DNAJC9: variants seen among roughly 807,000 people sequenced by gnomAD.
DNAJC9 encodes the protein DnaJ heat shock protein family (Hsp40) member C9.
DNAJC9 carries 18 observed loss-of-function variants against 32.4 expected under a neutral mutation model. The observed-to-expected ratio is 0.56, with a 90% CI of 0.38 to 0.82. The LOEUF (loss-of-function observed/expected upper bound fraction) is 0.82, where lower values mean the gene tolerates loss of function less well. Among genes scored for constraint, DNAJC9 ranks in the 40% least tolerant of loss-of-function variants. The pLI, the probability that DNAJC9 is intolerant of heterozygous loss-of-function variation, is 0.00. For missense variants in DNAJC9, 310 were observed against 321.8 expected (o/e 0.96, Z 0.28); for synonymous variants, 113 against 122.1 (o/e 0.93, Z 0.49).
downstream of DNAJC9, chr10:73,241,357 C>T (rs1431913155): frequency 3.8e-6 from 1 of 260,080 alleles, no homozygotes; most frequent in Non-Finnish European, 7.5e-6. Flanking sequence ...ATTTGATGAG[C>T]TCACACATAC....
chr10:73,245,988 T>C lies in DNAJC9; in HGVS notation c.510A>G (p.Gly170=). ...RNIIQQAIDA[G]EVPSYNAFVK... is the part of the protein sequence containing the mutation. ...CAAAGGCATTATAGGATGGGACCTC[T>C]CCGGCGTCAATAGCTTGCTGAATGA... is the stretch of plus-strand genomic sequence containing the variant. The change falls in exon 3 of 5, where the codon GGA becomes GGG. Residue 170 remains glycine (G), a synonymous_variant. Transcript: ENST00000372950. 2.5e-6 allele frequency: 4 copies of C among 1,613,720 alleles called. No individual in the cohort carries two copies. The highest frequency in any genetic ancestry group is 1.7e-6 in the Non-Finnish European group (2 of 1,179,794).
rs868737896 is a variant in DNAJC9 at position 73,246,896 on chromosome 10, G to A, written c.181-68C>T. 7.5e-6 allele frequency: 12 copies of A among 1,607,192 alleles called. No individual in the cohort carries two copies. In the East Asian group the frequency reaches 8.9e-5, roughly 12 times the overall value. ...CCGAAACGGCGGCGCGAGAAATAAA[G>A]ATCAGAAGGCGCCAAGCGGAGCTCA... is the stretch of plus-strand genomic sequence containing the variant. On this transcript the variant is annotated intron_variant, in intron 1 of 4. Transcript: ENST00000372950.
rs1334064744 is a variant in DNAJC9 at position 73,243,837 on chromosome 10, G to A, written c.663+6C>T. 6.2e-7 allele frequency: 1 copy of A among 1,610,776 alleles called. No individual in the cohort carries two copies. The highest frequency in any genetic ancestry group is 8.5e-7 in the Non-Finnish European group (1 of 1,178,822). On this transcript the variant is annotated splice_donor_region_variant and intron_variant, in intron 4 of 4. Transcript: ENST00000372950. ...TAAAGATGTGGCAACAAACTGCCAA[G>A]TTTACCTGAATGGCTGCCTTCAGGC...
At chr10:73,234,855 C>A (rs749780762), downstream of DNAJC9, 83 of 1,551,608 alleles carry the variant, frequency 5.3e-5, no homozygotes, top group African/African-American at 1.1e-3. Flanking sequence ...CCCTCACCGA[C>A]GCCCCTGAGT....
At chr10:73,245,628 GAGGAATGCCTC>G (rs1204712498) in intron 3 of DNAJC9, among the ~76,000 whole-genome samples, 1 of 152,096 alleles carries the variant, frequency 6.6e-6, no homozygotes, top group Non-Finnish European at 1.5e-5. Context: ...TTTATCTCCT[GAGGAATGCCTC>G]AGGAATGCTA....
chr10:73,247,233 T>C lies in DNAJC9; in HGVS notation c.-44A>G. The C allele has an allele frequency of 5.8e-6, 9 of 1,560,598 alleles. No homozygotes were observed. Among genetic ancestry groups the C allele is most frequent in the Non-Finnish European group, 7.8e-6 (9 of 1,153,202 alleles). ...CCCGGAGGAAGCAGCCGCTCCCAGC[T>C]GCGCCGGGTACAACCCAGGACTGCT... On this transcript the variant is annotated 5_prime_UTR_variant, in exon 1 of 5. Transcript: ENST00000372950.
downstream of DNAJC9, chr10:73,235,494 A>G (rs2043801132): frequency 7.2e-6 from 10 of 1,392,052 alleles, no homozygotes; most frequent in South Asian, 1.2e-4. Context: ...CTAGTCCCTG[A>G]TGCCTATTCT....
downstream of DNAJC9, among the ~76,000 whole-genome samples, chr10:73,236,177 C>G (rs115117722): frequency 2.8e-3 from 426 of 152,160 alleles, 1 homozygote; most frequent in African/African-American, 9.9e-3. Flanking sequence ...CAATATCAGA[C>G]CTCTGTATTA....
Position 73,246,807 on chromosome 10 carries a change from C to G in DNAJC9, c.202G>C (p.Val68Leu), listed in dbSNP as rs1400263528. ...RFQILGKVYS[V>L]LSDREQRAVY... ...GCTCTCTGTTCTCTGTCACTGAGAA[C>G]GGAATAGACTTTTCCCAGGATCTGA... Residue 68 changes from valine (V) to leucine (L), a missense_variant, in exon 2 of 5, where the codon GTT becomes CTT. Coordinates refer to ENST00000372950, the MANE Select transcript of DNAJC9 (RefSeq NM_015190.5). 1.2e-6 allele frequency: 2 copies of G among 1,614,158 alleles called. No individual in the cohort carries two copies. Among genetic ancestry groups the G allele is most frequent in the Non-Finnish European group, 1.7e-6 (2 of 1,180,026 alleles).
At chr10:73,246,961 A>AG in intron 1 of DNAJC9, 49 bp downstream of exon 1, 1 of 1,557,902 alleles carries the variant, frequency 6.4e-7, no homozygotes, top group South Asian at 1.2e-5. Flanking sequence ...CCAAAAGGCT[A>AG]GGGGGAGGCC....
rs539634476 is a variant in DNAJC9 at position 73,246,653 on chromosome 10, G to T, written c.321+35C>A. ...ATAAAGGTTTGTTGATTGAATGATG[G>T]TAACAGTCACAAAGAAACCTCCAGA... On this transcript the variant is annotated intron_variant, in intron 2 of 4. Transcript: ENST00000372950. 16 of 1,610,634 alleles carry T rather than the reference G, an allele frequency of 9.9e-6. 1 individual carries two copies. The highest frequency in any genetic ancestry group is 9.3e-5 in the African/African-American group (7 of 74,876).
intron 3 of DNAJC9, among the ~76,000 whole-genome samples, chr10:73,245,258 C>A (rs552613336): frequency 1.3e-5 from 2 of 152,048 alleles, no homozygotes; most frequent in Non-Finnish European, 2.9e-5. Flanking sequence ...TTCCTGAGGG[C>A]ACTCAGGAAG....
rs777144085 is a variant in DNAJC9, at chr10:73,246,191, G to T, written c.322-15C>A. The T allele has an allele frequency of 6.3e-7, 1 of 1,588,944 alleles. No homozygotes were observed. The highest frequency in any genetic ancestry group is 1.4e-5 in the African/African-American group (1 of 73,098). On this transcript the variant is annotated splice_polypyrimidine_tract_variant and intron_variant, in intron 2 of 4. Transcript: ENST00000372950. ...TCTAAAGATATCTGATGATAAAGGA[G>T]ATTTGCTTTAACTTTGGGAATTTTA...
downstream of DNAJC9, among the ~76,000 whole-genome samples, chr10:73,239,689 A>G (rs1212848450): frequency 3.3e-5 from 5 of 152,076 alleles, no homozygotes; most frequent in African/African-American, 1.2e-4. Flanking sequence ...TTCAACCCAA[A>G]TTAGTCCTTG....
chr10:73,238,373 T>C (rs1195900402), downstream of DNAJC9, among the ~76,000 whole-genome samples: 4 of 152,006 alleles, frequency 2.6e-5, no homozygotes, highest in Non-Finnish European at 5.9e-5. Flanking sequence ...GAATGCTAGC[T>C]GTCCTGGGCC....
At chr10:73,239,414 T>C (rs1203077068), downstream of DNAJC9, 4 of 1,513,930 alleles carry the variant, frequency 2.6e-6, no homozygotes, top group Non-Finnish European at 2.7e-6. Flanking sequence ...CCTTATTTAC[T>C]ACTGTGTGGT....
At chr10:73,234,848 T>G, downstream of DNAJC9, 1 of 1,551,674 alleles carries the variant, frequency 6.4e-7, no homozygotes, top group South Asian at 1.2e-5. Flanking sequence ...CTCCTCTCCC[T>G]CACCGACGCC....
chr10:73,246,798 C>T lies in DNAJC9; in HGVS notation c.211G>A (p.Asp71Asn), dbSNP rs1462259913. 2 of 1,614,124 alleles carry T rather than the reference C, an allele frequency of 1.2e-6. No individual in the cohort carries two copies. Among genetic ancestry groups the T allele is most frequent in the South Asian group, 1.1e-5 (1 of 91,082 alleles). Residue 71 changes from aspartate (D) to asparagine (N), a missense_variant, in exon 2 of 5, where the codon GAC becomes AAC. By Grantham distance (23) the Asp-to-Asn change is conservative (BLOSUM62 1). Coordinates refer to ENST00000372950, the MANE Select transcript of DNAJC9 (RefSeq NM_015190.5). ...TCGTACACTGCTCTCTGTTCTCTGT[C>T]ACTGAGAACGGAATAGACTTTTCCC... is the stretch of plus-strand genomic sequence containing the variant. ...ILGKVYSVLS[D>N]REQRAVYDEQ...
At chr10:73,246,941 G>A in intron 1 of DNAJC9, 69 bp downstream of exon 1, 1 of 1,570,158 alleles carries the variant, frequency 6.4e-7, no homozygotes, top group East Asian at 2.3e-5. Context: ...CCCGGGGCGG[G>A]GCCCGGTAGC....
Sources: allele counts gnomAD v4.1 joint callset (sites outside exome capture counted in the v4.1 genomes callset), GRCh38; gene constraint gnomAD v4.1.1; transcripts MANE v1.5; gene names NCBI Gene and HGNC (gene_info 2026-07-23, HGNC 2026-07-21).